The following BOC variants were observed in gnomAD, a reference collection of about 807,000 sequenced individuals.
BOC encodes BOC cell adhesion associated, oncogene regulated, also known as brother of CDO.
Under a neutral mutation model 112.0 loss-of-function variants are expected in BOC, and 76 were observed. The observed-to-expected ratio is 0.68, with a 90% CI of 0.56 to 0.82. The LOEUF is 0.82. Among genes scored for constraint, BOC ranks in the 40% least tolerant of loss-of-function variants. The pLI is 0.00. For synonymous variants in BOC, 580 were observed against 599.8 expected, an observed-to-expected ratio of 0.97 and a Z score of 0.48; for missense variants, 1,309 against 1,511.7, an observed-to-expected ratio of 0.87 and a Z score of 2.22.
intron 4 of BOC, among the ~76,000 whole-genome samples, chr3:113,260,189 A>G (rs960937034): frequency 6.6e-5 from 10 of 152,218 alleles, no homozygotes; most frequent in African/African-American, 1.7e-4. Flanking sequence ...GTCATGAAAG[A>G]GGAAGACTCC....
chr3:113,246,259 G>T (rs1944910052), intron 2 of BOC, among the ~76,000 whole-genome samples: 1 of 151,996 alleles, frequency 6.6e-6, no homozygotes, highest in Non-Finnish European at 1.5e-5. Flanking sequence ...CCTCAATGAG[G>T]TGTCAAATGA....
At position 113,274,370 on chromosome 3, in the gene BOC, T is replaced by G; in HGVS notation, c.1235-5T>G. On this transcript the variant is annotated splice_polypyrimidine_tract_variant and splice_region_variant and intron_variant, in intron 8 of 19. Transcript: ENST00000682979. The surrounding 1 kb of genome is among the most constrained non-coding windows in gnomAD (Gnocchi z 4.8). ...CTTTCCTTCTGCTTCCTGTTGGTCCTCCAGGCATAACCCCAAGGCTATGGC... is the reference window on the plus strand; with the variant it reads ...CTTTCCTTCTGCTTCCTGTTGGTCCGCCAGGCATAACCCCAAGGCTATGGC... 1.3e-6 allele frequency: 2 copies of G among 1,505,922 alleles called. No homozygotes were observed. Among genetic ancestry groups the G allele is most frequent in the South Asian group, 2.7e-5 (2 of 75,138 alleles). The allele number at this position is 1,505,922 out of a possible 1,614,324, so 93.3% of individuals were successfully genotyped here.
At chr3:113,243,079 C>T (rs922399959) in intron 2 of BOC, among the ~76,000 whole-genome samples, 1 of 152,284 alleles carries the variant, frequency 6.6e-6, no homozygotes, top group Non-Finnish European at 1.5e-5. Flanking sequence ...GGGCCTCACT[C>T]GTTCATTCAC....
At position 113,274,042 on chromosome 3, in the gene BOC, A is replaced by ATTCT. The variant is rs1463794214; in HGVS notation, c.1235-333_1235-332insTTCT. On this transcript the variant is annotated intron_variant, in intron 8 of 19. Transcript: ENST00000682979. The surrounding 1 kb of genome is among the most constrained non-coding windows in gnomAD (Gnocchi z 4.8). ...ATGTCCCCACCTCCAGCCTAGACCG[A>ATTCT]GAAGGAAGGCGCAGGGTTCCTGGGC... Among the ~76,000 whole-genome samples the ATTCT allele has an allele frequency of 6.6e-6, 1 of 152,210 alleles. No individual in the cohort carries two copies. The highest frequency in any genetic ancestry group is 1.5e-5 in the Non-Finnish European group (1 of 68,044).
chr3:113,272,950 T>C (rs1032151314), intron 7 of BOC, 119 bp from the exon 8 acceptor site: 1 of 1,329,220 alleles, frequency 7.5e-7, no homozygotes. Flanking sequence ...ACTCTGCCCA[T>C]TAGGAAAAAG....
chr3:113,276,843 C>T (rs534139412), intron 9 of BOC, among the ~76,000 whole-genome samples: 22 of 152,254 alleles, frequency 1.4e-4, no homozygotes, highest in East Asian at 1.9e-4. Flanking sequence ...AGGTTTTGTT[C>T]GACTTTGGAA....
intron 16 of BOC, 74 bp downstream of exon 16, chr3:113,283,706 G>A (rs1363482812): frequency 7.1e-7 from 1 of 1,414,474 alleles, no homozygotes; most frequent in Non-Finnish European, 9.8e-7. Context: ...CCTCTGCCTA[G>A]GTCTGTGTCC....
Position 113,278,127 on chromosome 3 carries a change from C to A in BOC, c.1575C>A (p.Ile525=). Reference sequence around the variant, plus strand: ...CAAATTCCTCTGACGATTGGACCATCTCTGGCATTCCAGCCAACCAGCACC... The same window carrying A: ...CAAATTCCTCTGACGATTGGACCATATCTGGCATTCCAGCCAACCAGCACC... ...QVTNSSDDWT[I]SGIPANQHRL... The change falls in exon 10 of 20, where the codon ATC becomes ATA. Residue 525 remains isoleucine, a synonymous_variant. Transcript: ENST00000682979. This position sits in a 1 kb window ranked among gnomAD's most constrained non-coding sequence, Gnocchi z 4.2. The A allele has an allele frequency of 6.2e-7, 1 of 1,614,246 alleles. No homozygotes were observed. The highest frequency in any genetic ancestry group is 8.5e-7 in the Non-Finnish European group (1 of 1,180,058).
rs140791651 is a variant in BOC at position 113,274,901 on chromosome 3, A to G, written c.1542+219A>G. Among the ~76,000 whole-genome samples the G allele has an allele frequency of 6.6e-6, 1 of 152,312 alleles. No homozygotes were observed. The highest frequency in any genetic ancestry group is 2.4e-5 in the African/African-American group (1 of 41,574). ...TGTGTGGGACCCTGGAAGGCCCAGG[A>G]AAAAGCCTTGTGCGTGCATCCAGTA... On this transcript the variant is annotated intron_variant, in intron 9 of 19. Coordinates refer to ENST00000682979, the MANE Select transcript of BOC (RefSeq NM_001378074.1). The surrounding 1 kb of genome is among the most constrained non-coding windows in gnomAD (Gnocchi z 4.8).
intron 2 of BOC, among the ~76,000 whole-genome samples, chr3:113,232,179 G>T (rs1016431876): frequency 6.6e-6 from 1 of 152,138 alleles, no homozygotes; most frequent in African/African-American, 2.4e-5. Context: ...AGTGGTGCCT[G>T]ATCCAGCTGG....
At chr3:113,244,343 T>C (rs1453414245) in intron 2 of BOC, among the ~76,000 whole-genome samples, 1 of 152,228 alleles carries the variant, frequency 6.6e-6, no homozygotes, top group Non-Finnish European at 1.5e-5. Context: ...GCACACATCA[T>C]TTGTTAACAG....
intron 2 of BOC, among the ~76,000 whole-genome samples, chr3:113,248,505 A>G (rs1945214415): frequency 6.6e-6 from 1 of 152,204 alleles, no homozygotes; most frequent in Non-Finnish European, 1.5e-5. Context: ...GCCACAGGTG[A>G]ATGATCCACC....
intron 2 of BOC, among the ~76,000 whole-genome samples, chr3:113,233,675 G>C (rs946638067): frequency 6.6e-6 from 1 of 152,166 alleles, no homozygotes; most frequent in South Asian, 2.1e-4. Context: ...GGGGCATGAA[G>C]AGCTGGGGAC....
intron 9 of BOC, among the ~76,000 whole-genome samples, chr3:113,277,668 T>C (rs1040937649): frequency 6.6e-6 from 1 of 152,250 alleles, no homozygotes; most frequent in Non-Finnish European, 1.5e-5. Context: ...TTTTAATGGG[T>C]GCTGATACTT....
chr3:113,272,612 CGAG>C lies in BOC; in HGVS notation c.876_878del (p.Glu292del). 3 of 1,613,980 alleles carry C rather than the reference CGAG, an allele frequency of 1.9e-6. No individual in the cohort carries two copies. Among genetic ancestry groups the C allele is most frequent in the Non-Finnish European group, 2.5e-6 (3 of 1,180,002 alleles). On this transcript the variant is annotated inframe_deletion, in exon 7 of 20. Transcript: ENST00000682979. ...GCAACCTCCTCATCGACACCACCAG[CGAG>C]GAGGACTCAGGCACCTACCGCTGCA...
chr3:113,220,946 G>T lies in BOC; in HGVS notation c.-82+4672G>T, dbSNP rs569877516. Among the ~76,000 whole-genome samples the T allele has an allele frequency of 3.9e-5, 6 of 152,328 alleles. No homozygotes were observed. The East Asian group carries it at 5.8e-4, about 15-fold the overall frequency. ...TCAGGAATGAATCTTATTAGAAGAA[G>T]GGTGGAGTGCTGGGAAAGATGGCTG... On this transcript the variant is annotated intron_variant, in intron 2 of 19. Transcript: ENST00000682979.
At chr3:113,235,646 A>G (rs775268342) in intron 2 of BOC, among the ~76,000 whole-genome samples, 91 of 152,286 alleles carry the variant, frequency 6.0e-4, no homozygotes, top group Non-Finnish European at 9.1e-4. Flanking sequence ...TTAAATGCTG[A>G]CTAGTGTTGG....
chr3:113,269,096 C>T (rs539199236), intron 5 of BOC, among the ~76,000 whole-genome samples: 2 of 152,364 alleles, frequency 1.3e-5, no homozygotes, highest in South Asian at 4.1e-4. Context: ...CAGGCACACA[C>T]AGGAAGGCTG....
chr3:113,229,525 T>C (rs1324655991), intron 2 of BOC, among the ~76,000 whole-genome samples: 3 of 152,250 alleles, frequency 2.0e-5, no homozygotes, highest in South Asian at 4.1e-4. Flanking sequence ...TTTGCTACTG[T>C]AGAGGCCGCC....
Sources: allele counts gnomAD v4.1 joint callset (sites outside exome capture counted in the v4.1 genomes callset), GRCh38; gene constraint gnomAD v4.1.1; non-coding constraint Gnocchi (gnomAD v3.1); transcripts MANE v1.5; gene names NCBI Gene and HGNC (gene_info 2026-07-23, HGNC 2026-07-21).